The following PRKCZ variants were observed in gnomAD, a reference collection of about 807,000 sequenced individuals.
PRKCZ encodes the protein protein kinase C zeta, also known as protein kinase C zeta type.
PRKCZ carries 33 observed loss-of-function variants against 79.5 expected under a neutral mutation model. That is an observed-to-expected ratio of 0.41 (90% confidence interval 0.31 to 0.55). The LOEUF is 0.55. PRKCZ is among the 20% of genes least tolerant of loss of function. The pLI is 0.19. For missense variants in PRKCZ, 578 were observed against 813.5 expected, an observed-to-expected ratio of 0.71 and a Z score of 3.52; for synonymous variants, 342 against 320.9, an observed-to-expected ratio of 1.07 and a Z score of -0.70.
intron 5 of PRKCZ, 107 bp from the exon 6 acceptor site, chr1:2,144,103 C>T (rs1677975148): frequency 2.0e-5 from 29 of 1,443,472 alleles, no homozygotes; most frequent in South Asian, 2.8e-5. Context: ...ACCTGTTGCC[C>T]GGCTCAGTGT....
chr1:2,170,804 C>T (rs1025413555), intron 11 of PRKCZ, among the ~76,000 whole-genome samples: 4 of 152,234 alleles, frequency 2.6e-5, no homozygotes, highest in African/African-American at 9.6e-5. Flanking sequence ...TTCATCCGTG[C>T]TGTGGCCTGT....
chr1:2,072,013 A>T (rs1174622842), intron 4 of PRKCZ, among the ~76,000 whole-genome samples: 1 of 152,270 alleles, frequency 6.6e-6, no homozygotes, highest in Non-Finnish European at 1.5e-5. Context: ...CAGCCAATTA[A>T]AAGCGTAGAA....
chr1:2,071,365 A>G, intron 4 of PRKCZ: 1 of 459,816 alleles, frequency 2.2e-6, no homozygotes, highest in Non-Finnish European at 4.3e-6. Context: ...GTCTGAGAGG[A>G]GGCGGCCAAA....
chr1:2,056,266 T>G (rs930072153), intron 2 of PRKCZ, among the ~76,000 whole-genome samples: 1 of 152,170 alleles, frequency 6.6e-6, no homozygotes. Flanking sequence ...TGTACTGACT[T>G]CCCTTCCGGG....
intron 16 of PRKCZ, 136 bp downstream of exon 16, chr1:2,175,449 CCCCAAATTCATCCAA>C (rs1685282361): frequency 1.5e-6 from 1 of 679,816 alleles, no homozygotes; most frequent in Non-Finnish European, 2.4e-6. Flanking sequence ...TCCATCCCAA[CCCCAAATTCATCCAA>C]CCCTCACCCC....
chr1:2,148,098 C>T (rs889162569), intron 7 of PRKCZ, among the ~76,000 whole-genome samples: 24 of 147,564 alleles, frequency 1.6e-4, no homozygotes, highest in Non-Finnish European at 3.4e-4. Context: ...CTGACCTCTC[C>T]ATCTATCCAT....
At chr1:2,100,967 T>C (rs1031331049) in intron 4 of PRKCZ, among the ~76,000 whole-genome samples, 2 of 151,386 alleles carry the variant, frequency 1.3e-5, no homozygotes, top group Admixed American at 6.6e-5. Flanking sequence ...TCTTTCGTCC[T>C]GTGTCTGACT....
rs190226422 is a variant in PRKCZ, at chr1:2,057,803, T to C, written c.283+1230T>C. ...CACTGCAACCTCCACCTCCCAGATATAAGCGATTGTCCTGCCTCAGCCTCC... is the reference window on the plus strand; with the variant it reads ...CACTGCAACCTCCACCTCCCAGATACAAGCGATTGTCCTGCCTCAGCCTCC... On this transcript the variant is annotated intron_variant, in intron 3 of 17. Coordinates refer to ENST00000378567, the MANE Select transcript of PRKCZ (RefSeq NM_002744.6). 3.9e-3 allele frequency among the ~76,000 whole-genome samples: 599 copies of C among 151,820 alleles called. 7 individuals carry two copies. Among genetic ancestry groups the C allele is most frequent in the Non-Finnish European group, 4.1e-3 (279 of 67,952 alleles).
rs1674365010 is a variant in PRKCZ, at chr1:2,128,493, A to G, written c.335-6769A>G. On this transcript the variant is annotated intron_variant, in intron 4 of 17. Transcript: ENST00000378567. This position sits in a 1 kb window ranked among gnomAD's most constrained non-coding sequence, Gnocchi z 6.5. ...AGAGTGCTCAAGGCGCGAGATTGCCATGGAAACTGAGCTCCTTAGAATTCC... is the reference window on the plus strand; with the variant it reads ...AGAGTGCTCAAGGCGCGAGATTGCCGTGGAAACTGAGCTCCTTAGAATTCC... 6.6e-6 allele frequency among the ~76,000 whole-genome samples: 1 copy of G among 152,236 alleles called. No individual in the cohort carries two copies. The highest frequency in any genetic ancestry group is 1.5e-5 in the Non-Finnish European group (1 of 68,046).
At chr1:2,153,318 G>A (rs1470002333) in intron 9 of PRKCZ, among the ~76,000 whole-genome samples, 9 of 152,364 alleles carry the variant, frequency 5.9e-5, no homozygotes, top group African/African-American at 1.2e-4. Flanking sequence ...AAAGGCCAAC[G>A]TGTGGGTGGC....
At chr1:2,083,581 G>A (rs1663972391) in intron 4 of PRKCZ, among the ~76,000 whole-genome samples, 1 of 152,182 alleles carries the variant, frequency 6.6e-6, no homozygotes, top group Non-Finnish European at 1.5e-5. Flanking sequence ...ATCTGGTTGA[G>A]CAGAACACGG....
intron 5 of PRKCZ, 106 bp downstream of exon 5, chr1:2,135,453 T>C: frequency 9.4e-7 from 1 of 1,066,688 alleles, no homozygotes. Context: ...CTGGGCTCTT[T>C]TTGGCGCCCG....
chr1:2,166,393 T>C (rs977931410), intron 10 of PRKCZ, among the ~76,000 whole-genome samples: 1 of 152,174 alleles, frequency 6.6e-6, no homozygotes, highest in Non-Finnish European at 1.5e-5. Flanking sequence ...CACTCCAGCC[T>C]GAGTGACAGA....
chr1:2,111,305 G>T (rs889880648), intron 4 of PRKCZ, among the ~76,000 whole-genome samples: 1 of 152,116 alleles, frequency 6.6e-6, no homozygotes, highest in Non-Finnish European at 1.5e-5. Context: ...AACTGTGAAG[G>T]TCTGGGGCAC....
chr1:2,085,396 A>C (rs909309767), intron 4 of PRKCZ, among the ~76,000 whole-genome samples: 3 of 152,210 alleles, frequency 2.0e-5, no homozygotes, highest in Admixed American at 6.5e-5. Context: ...CTTACTGCTC[A>C]CCTGGGTCCG....
intron 10 of PRKCZ, among the ~76,000 whole-genome samples, chr1:2,160,096 T>C (rs1381761728): frequency 6.6e-6 from 1 of 152,204 alleles, no homozygotes; most frequent in Non-Finnish European, 1.5e-5. Context: ...TCACACTCAA[T>C]GTTTCTTTAA....
intron 4 of PRKCZ, 195 bp from the exon 5 acceptor site, chr1:2,135,067 C>T (rs1237995187): frequency 1.6e-5 from 8 of 510,358 alleles, no homozygotes; most frequent in African/African-American, 7.8e-5. Context: ...CCGCCGAGGC[C>T]GTGACACCAT....
chr1:2,098,857 A>G (rs1666984862), intron 4 of PRKCZ, among the ~76,000 whole-genome samples: 1 of 151,714 alleles, frequency 6.6e-6, no homozygotes, highest in Non-Finnish European at 1.5e-5. Context: ...AATTTTTTGT[A>G]TATTTAGTGG....
intron 3 of PRKCZ, among the ~76,000 whole-genome samples, chr1:2,058,484 A>G (rs1660389117): frequency 6.6e-6 from 1 of 152,144 alleles, no homozygotes; most frequent in East Asian, 1.9e-4. Context: ...TGTCAGATAA[A>G]TAAATTCATA....
Sources: gnomAD v4.1 joint callset for allele counts (sites outside exome capture counted in the v4.1 genomes callset) on GRCh38, gnomAD v4.1.1 for gene constraint, Gnocchi (gnomAD v3.1) non-coding constraint, MANE v1.5 for transcripts, NCBI Gene and HGNC (gene_info 2026-07-23, HGNC 2026-07-21) for gene names.